RBFOX1: variants seen among roughly 807,000 people sequenced by gnomAD.
RBFOX1 encodes RNA binding protein fox-1 homolog 1.
RBFOX1 carries 8 observed loss-of-function variants against 57.7 expected under a neutral mutation model. The observed-to-expected ratio is 0.14, with a 90% CI of 0.08 to 0.25. The LOEUF (loss-of-function observed/expected upper bound fraction) is 0.25, where lower values mean the gene tolerates loss of function less well. Among genes scored for constraint, RBFOX1 ranks in the 10% least tolerant of loss-of-function variants. RBFOX1 has a pLI of 1.00. For synonymous variants in RBFOX1, 326 were observed against 222.4 expected (o/e 1.47, Z -4.15); for missense variants, 611 against 548.5 (o/e 1.11, Z -1.14).
At chr16:6,850,829 A>G (rs562885181) in intron 3 of RBFOX1, among the ~76,000 whole-genome samples, 46 of 152,344 alleles carry the variant, frequency 3.0e-4, no homozygotes, top group Non-Finnish European at 4.4e-4. Context: ...TTCTTGTAGA[A>G]CTAAGCATGC....
chr16:5,561,184 A>G (rs1311599392), intron 2 of RBFOX1, among the ~76,000 whole-genome samples: 2 of 152,066 alleles, frequency 1.3e-5, no homozygotes, highest in Non-Finnish European at 2.9e-5. Context: ...TCCTTCATCC[A>G]TGGGAGGGGG....
intron 4 of RBFOX1, among the ~76,000 whole-genome samples, chr16:5,987,676 C>G (rs1164152582): frequency 6.6e-6 from 1 of 152,092 alleles, no homozygotes; most frequent in Non-Finnish European, 1.5e-5. Flanking sequence ...GAGTAGCCAC[C>G]GTACTGCAGC....
At chr16:7,540,059 A>T (rs1192667265) in intron 5 of RBFOX1, among the ~76,000 whole-genome samples, 1 of 152,152 alleles carries the variant, frequency 6.6e-6, no homozygotes. Flanking sequence ...TATTATTATC[A>T]TGTATGTCAT....
At chr16:5,799,860 G>A (rs776034690) in intron 3 of RBFOX1, among the ~76,000 whole-genome samples, 2 of 152,010 alleles carry the variant, frequency 1.3e-5, no homozygotes, top group Admixed American at 6.6e-5. Flanking sequence ...AGAATATAGT[G>A]TGGTATGTTT....
chr16:6,408,255 A>G (rs1023520202), intron 2 of RBFOX1, among the ~76,000 whole-genome samples: 3 of 152,164 alleles, frequency 2.0e-5, no homozygotes, highest in Admixed American at 6.5e-5. Flanking sequence ...ACTTTATTCT[A>G]TAAAGTGCTG....
intron 4 of RBFOX1, among the ~76,000 whole-genome samples, chr16:7,480,705 C>T (rs903538034): frequency 2.0e-5 from 3 of 152,140 alleles, no homozygotes; most frequent in Non-Finnish European, 4.4e-5. Flanking sequence ...CTTTCTGCTG[C>T]CGAGAAATCT....
At chr16:6,921,519 C>G (rs1230346161) in intron 3 of RBFOX1, among the ~76,000 whole-genome samples, 1 of 152,108 alleles carries the variant, frequency 6.6e-6, no homozygotes, top group Non-Finnish European at 1.5e-5. Context: ...TGAGGTCACC[C>G]ATAGTTCCTT....
Position 6,529,244 on chromosome 16 carries a change from C to G in RBFOX1, c.-63-125359C>G, listed in dbSNP as rs17140516. Among the ~76,000 whole-genome samples, 1,319 of 152,156 alleles carry G rather than the reference C, an allele frequency of 8.7e-3. 54 individuals are homozygous for G. The East Asian group carries it at 0.11, about 13-fold the overall frequency. On this transcript the variant is annotated intron_variant, in intron 2 of 15. Transcript: ENST00000550418. ...TTCAAATAAAAGCATATTGCATTGA[C>G]TGTAAGTTCTACTATGCATAAAAAA...
intron 4 of RBFOX1, among the ~76,000 whole-genome samples, chr16:5,976,174 A>T (rs2060059069): frequency 6.6e-6 from 1 of 152,082 alleles, no homozygotes; most frequent in Non-Finnish European, 1.5e-5. Flanking sequence ...ATAATAAAAT[A>T]AAATAAAATA....
At chr16:5,676,146 G>T (rs761648333) in intron 3 of RBFOX1, among the ~76,000 whole-genome samples, 10 of 152,024 alleles carry the variant, frequency 6.6e-5, no homozygotes, top group Non-Finnish European at 1.0e-4. Context: ...TTCAAGCAGG[G>T]CTTAAAACCT....
chr16:6,595,761 A>C (rs2097771140), intron 2 of RBFOX1, among the ~76,000 whole-genome samples: 1 of 152,154 alleles, frequency 6.6e-6, no homozygotes. Context: ...GATAGGTATG[A>C]AGTACAGCTC....
intron 3 of RBFOX1, among the ~76,000 whole-genome samples, chr16:6,720,652 G>C (rs2065805970): frequency 6.6e-6 from 1 of 152,184 alleles, no homozygotes; most frequent in African/African-American, 2.4e-5. Flanking sequence ...CGGGAGAATA[G>C]TTGGTGAGAA....
At chr16:5,719,722 C>T (rs2051856863) in intron 3 of RBFOX1, among the ~76,000 whole-genome samples, 1 of 152,102 alleles carries the variant, frequency 6.6e-6, no homozygotes, top group Admixed American at 6.6e-5. Flanking sequence ...TTCATCTCTG[C>T]TGTAGCCTAT....
At chr16:5,821,451 T>A (rs761965247) in intron 3 of RBFOX1, among the ~76,000 whole-genome samples, 28 of 152,006 alleles carry the variant, frequency 1.8e-4, no homozygotes, top group Non-Finnish European at 3.7e-4. Flanking sequence ...TACAGGCACC[T>A]GCCACTAAGC....
intron 4 of RBFOX1, among the ~76,000 whole-genome samples, chr16:7,241,616 A>G (rs1663726338): frequency 6.6e-6 from 1 of 152,158 alleles, no homozygotes; most frequent in South Asian, 2.1e-4. Flanking sequence ...TGGAATTTAT[A>G]ATAAAGAAAA....
At chr16:6,285,682 C>G (rs60416708) in intron 1 of RBFOX1, among the ~76,000 whole-genome samples, 4,293 of 152,216 alleles carry the variant, frequency 0.028, 220 homozygotes, top group African/African-American at 0.096. Flanking sequence ...TCCTGCCTAT[C>G]CATCCTTGTA....
Position 7,321,130 on chromosome 16 carries a change from C to CA in RBFOX1, c.28-197017_28-197016insA, listed in dbSNP as rs58289524. Among the ~76,000 whole-genome samples, 659 of 131,158 alleles carry CA rather than the reference C, an allele frequency of 5.0e-3. 3 individuals carry two copies. The highest frequency in any genetic ancestry group is 0.014 in the South Asian group (52 of 3,792). The allele number at this position is 131,158 out of a possible 152,430, so 86.0% of individuals were successfully genotyped here. A position where few individuals can be genotyped will look rare whatever the true frequency, so the allele number is the denominator to read the frequency against. Reference sequence around the variant, plus strand: ...ACATATACATATACATATACATATACTTATACTTATATTGTTTGTTTTTTG... The same window carrying CA: ...ACATATACATATACATATACATATACATTATACTTATATTGTTTGTTTTTTG... On this transcript the variant is annotated intron_variant, in intron 4 of 15. Coordinates refer to ENST00000550418, the MANE Select transcript of RBFOX1 (RefSeq NM_018723.4).
intron 4 of RBFOX1, among the ~76,000 whole-genome samples, chr16:7,347,730 C>T (rs1175773434): frequency 1.3e-5 from 2 of 152,168 alleles, no homozygotes; most frequent in Non-Finnish European, 2.9e-5. Flanking sequence ...ATGGACCCAA[C>T]CTATCGTATG....
At chr16:7,175,571 A>C in intron 4 of RBFOX1, among the ~76,000 whole-genome samples, 1 of 152,134 alleles carries the variant, frequency 6.6e-6, no homozygotes, top group East Asian at 1.9e-4. Context: ...GCTCATAGGC[A>C]AAGGATCCCA....
Sources: gnomAD v4.1 joint callset for allele counts (sites outside exome capture counted in the v4.1 genomes callset) on GRCh38, gnomAD v4.1.1 for gene constraint, MANE v1.5 for transcripts, NCBI Gene and HGNC (gene_info 2026-07-23, HGNC 2026-07-21) for gene names.